The following DIP2C variants were observed in gnomAD, a reference collection of about 807,000 sequenced individuals.
The protein encoded by DIP2C is DIP2 acetate--CoA ligase C (putative), also known as disco-interacting protein 2 homolog C.
A neutral mutation model predicts 192.4 loss-of-function variants in DIP2C; 33 were observed. The ratio of observed to expected loss-of-function variants is 0.17; its 90% CI spans 0.13 to 0.23. DIP2C has a LOEUF of 0.23. DIP2C is among the 10% of genes least tolerant of loss of function. The probability of loss-of-function intolerance (pLI) is 1.00; values close to 1 mark genes in which losing one functional copy is unlikely to be tolerated. For synonymous variants in DIP2C, 979 were observed against 864.1 expected (o/e 1.13, Z -2.33); for missense variants, 1,537 against 2,110.1 (o/e 0.73, Z 5.32).
intron 2 of DIP2C, 137 bp from the exon 3 acceptor site, chr10:472,686 C>G: frequency 2.7e-6 from 2 of 736,956 alleles, no homozygotes. Context: ...GCCTCAGAGC[C>G]CACAGACAGG....
chr10:378,292 G>A lies in DIP2C; in HGVS notation c.1991+4355C>T, dbSNP rs117319925. On this transcript the variant is annotated intron_variant, in intron 17 of 36. Coordinates refer to ENST00000280886, the MANE Select transcript of DIP2C (RefSeq NM_014974.3). ...GACTGAGCAGACTTCACTAGAGAAC[G>A]TGATTTCCTGCCACCACTTGGCTGA... Among the ~76,000 whole-genome samples, 937 of 152,328 alleles carry A rather than the reference G, an allele frequency of 6.2e-3. 4 individuals are homozygous for A. The highest frequency in any genetic ancestry group is 0.014 in the Middle Eastern group (4 of 294).
intron 1 of DIP2C, among the ~76,000 whole-genome samples, chr10:517,922 A>C (rs1399228284): frequency 6.6e-6 from 1 of 152,204 alleles, no homozygotes; most frequent in Non-Finnish European, 1.5e-5. Flanking sequence ...TTCACCACAA[A>C]GTATTTTGAC....
intron 10 of DIP2C, among the ~76,000 whole-genome samples, chr10:395,206 G>A (rs1284697103): frequency 6.6e-6 from 1 of 151,568 alleles, no homozygotes; most frequent in Non-Finnish European, 1.5e-5. Context: ...TCAGATTGGA[G>A]GAAGAGGTTT....
At chr10:374,063 C>G (rs1376312470) in intron 17 of DIP2C, among the ~76,000 whole-genome samples, 3 of 152,238 alleles carry the variant, frequency 2.0e-5, no homozygotes, top group Non-Finnish European at 4.4e-5. Flanking sequence ...CTAAAACTCA[C>G]TCTCTTCACT....
chr10:367,687 T>C (rs113089531), intron 18 of DIP2C, among the ~76,000 whole-genome samples: 21 of 152,154 alleles, frequency 1.4e-4, no homozygotes, highest in Admixed American at 5.2e-4. Flanking sequence ...AAGAGGGAAA[T>C]TCACCAAACG....
chr10:436,789 C>T (rs758398456), intron 4 of DIP2C, among the ~76,000 whole-genome samples: 20 of 137,338 alleles, frequency 1.5e-4, no homozygotes, highest in Non-Finnish European at 2.8e-4. Flanking sequence ...TGAGCTCTCT[C>T]TGAGCTCCGC....
chr10:518,902 T>TC (rs1344522201), intron 1 of DIP2C, among the ~76,000 whole-genome samples: 3 of 152,192 alleles, frequency 2.0e-5, no homozygotes, highest in Admixed American at 2.0e-4. Flanking sequence ...GACCAGCCCC[T>TC]CGACGTCAGT....
At chr10:559,159 C>G (rs1849061133) in intron 1 of DIP2C, among the ~76,000 whole-genome samples, 1 of 152,224 alleles carries the variant, frequency 6.6e-6, no homozygotes, top group Admixed American at 6.5e-5. Flanking sequence ...CTGGCTGTAT[C>G]TCATATGCTC....
chr10:620,657 C>G (rs1407611386), intron 1 of DIP2C, among the ~76,000 whole-genome samples: 1 of 152,106 alleles, frequency 6.6e-6, no homozygotes, highest in Non-Finnish European at 1.5e-5. Flanking sequence ...GATCAGGATA[C>G]AAAAAAATGA....
chr10:401,699 A>AT lies in DIP2C; in HGVS notation c.1150-2481dup, dbSNP rs755753941. Among the ~76,000 whole-genome samples, 8 of 148,672 alleles carry AT rather than the reference A, an allele frequency of 5.4e-5. 1 individual carries two copies. Among genetic ancestry groups the AT allele is most frequent in the Non-Finnish European group, 7.5e-5 (5 of 66,506 alleles). Reference sequence around the variant, plus strand: ...GGTAGCATTAGCATTACTCTTCCTTATGGACAAGTTTGGTATGTGTTCCTC... The same window carrying AT: ...GGTAGCATTAGCATTACTCTTCCTTATTGGACAAGTTTGGTATGTGTTCCTC... On this transcript the variant is annotated intron_variant, in intron 9 of 36. Coordinates refer to ENST00000280886, the MANE Select transcript of DIP2C (RefSeq NM_014974.3).
chr10:583,100 T>G (rs1054759195), intron 1 of DIP2C, among the ~76,000 whole-genome samples: 2 of 152,198 alleles, frequency 1.3e-5, no homozygotes, highest in African/African-American at 2.4e-5. Context: ...AGTGACTACT[T>G]TTATCCCCCA....
chr10:288,341 G>C lies in DIP2C; in HGVS notation c.4044+23C>G, dbSNP rs375482011. The C allele has an allele frequency of 4.2e-5, 67 of 1,609,438 alleles. No homozygotes were observed. The South Asian group carries it at 7.0e-4, about 17-fold the overall frequency. On this transcript the variant is annotated intron_variant, in intron 33 of 36. Transcript: ENST00000280886. ...CAGAAGCGAACGGATACAGAAATGC[G>C]TGCCTCTTCCTATAATACTTACCTT...
At chr10:329,634 G>C (rs753265990) in intron 29 of DIP2C, 33 bp from the exon 30 acceptor site, 3 of 438,624 alleles carry the variant, frequency 6.8e-6, no homozygotes, top group African/African-American at 6.2e-5. Flanking sequence ...CAGGGCGGGA[G>C]CTCAGCAAGG....
chr10:564,759 C>T (rs1020923067), intron 1 of DIP2C, among the ~76,000 whole-genome samples: 1 of 152,194 alleles, frequency 6.6e-6, no homozygotes, highest in Non-Finnish European at 1.5e-5. Flanking sequence ...ACTCAGCCTA[C>T]TCGGCCGAAC....
chr10:362,395 T>TG, intron 22 of DIP2C, 95 bp downstream of exon 22: 1 of 1,410,242 alleles, frequency 7.1e-7, no homozygotes, highest in South Asian at 1.5e-5. Flanking sequence ...ATCAGCTTCC[T>TG]GCAAGCAGCC....
intron 1 of DIP2C, among the ~76,000 whole-genome samples, chr10:571,444 C>G (rs1035584600): frequency 6.6e-6 from 1 of 151,380 alleles, no homozygotes; most frequent in African/African-American, 2.5e-5. Context: ...GCCCACTGCC[C>G]TCTCTCTTCC....
intron 1 of DIP2C, among the ~76,000 whole-genome samples, chr10:590,501 C>A (rs558649614): frequency 1.3e-5 from 2 of 152,304 alleles, no homozygotes; most frequent in South Asian, 4.1e-4. Context: ...TACGGCATAT[C>A]GACATGTTCC....
At chr10:440,281 A>G (rs1417058901) in intron 4 of DIP2C, among the ~76,000 whole-genome samples, 1 of 152,246 alleles carries the variant, frequency 6.6e-6, no homozygotes, top group Non-Finnish European at 1.5e-5. Flanking sequence ...CGCTGTTCTT[A>G]TAAAGTTTTA....
Position 689,449 on chromosome 10 carries a change from TCC to T in DIP2C, c.85+43_85+44del. ...GCCCCCAGCCCTCCGCGCGCGGCCCTCCCCGGTGACAGCGCGGCCCGGCCCGG... is the reference window on the plus strand; with the variant it reads ...GCCCCCAGCCCTCCGCGCGCGGCCCTCCGGTGACAGCGCGGCCCGGCCCGG... On this transcript the variant is annotated intron_variant, in intron 1 of 36. Transcript: ENST00000280886. The surrounding 1 kb of genome is among the most constrained non-coding windows in gnomAD (Gnocchi z 6.1). The T allele has an allele frequency of 9.5e-7, 1 of 1,055,652 alleles. No homozygotes were observed. 65.4% of individuals were successfully genotyped at this position (1,055,652 alleles called of 1,614,324 possible). A position where few individuals can be genotyped will look rare whatever the true frequency, so the allele number is the denominator to read the frequency against.
Sources: allele counts gnomAD v4.1 joint callset (sites outside exome capture counted in the v4.1 genomes callset), GRCh38; gene constraint gnomAD v4.1.1; non-coding constraint Gnocchi (gnomAD v3.1); transcripts MANE v1.5; gene names NCBI Gene and HGNC (gene_info 2026-07-23, HGNC 2026-07-21).